Variants in CCDC141 observed in about 807,000 individuals in gnomAD.
The protein encoded by CCDC141 is coiled-coil domain-containing protein 141.
A neutral mutation model predicts 181.0 loss-of-function variants in CCDC141; 168 were observed. The observed-to-expected ratio is 0.93, with a 90% CI of 0.82 to 1.05. The LOEUF (loss-of-function observed/expected upper bound fraction) is 1.05, where lower values mean the gene tolerates loss of function less well. CCDC141 is among the 50% of genes least tolerant of loss of function. The pLI is 0.00. For synonymous variants in CCDC141, 666 were observed against 642.3 expected (o/e 1.04, Z -0.56); for missense variants, 1,902 against 1,788.5 (o/e 1.06, Z -1.14).
chr2:178,989,829 TAAAAAAAAAA>T (rs71023463), intron 2 of CCDC141, among the ~76,000 whole-genome samples: 3 of 81,398 alleles, frequency 3.7e-5, no homozygotes, highest in African/African-American at 9.9e-5. Flanking sequence ...GCTATAATCT[TAAAAAAAAAA>T]AAAAAAAAAA....
chr2:178,941,722 G>A (rs1468368583), intron 6 of CCDC141, among the ~76,000 whole-genome samples: 1 of 151,838 alleles, frequency 6.6e-6, no homozygotes, highest in Non-Finnish European at 1.5e-5. Flanking sequence ...GAAGGCTGAG[G>A]TGGGAGGATC....
chr2:178,957,633 C>T (rs1690217707), intron 5 of CCDC141, among the ~76,000 whole-genome samples: 1 of 152,240 alleles, frequency 6.6e-6, no homozygotes, highest in South Asian at 2.1e-4. Flanking sequence ...CCCATAACAG[C>T]TTTATTCATA....
chr2:178,872,327 A>C lies in CCDC141; in HGVS notation c.1900-15T>G, dbSNP rs1453320848. ...TTCTCTTTTGCCTGTTAAATTAATA[A>C]TTCATATAATAGCTTTTCTTTCCCA... On this transcript the variant is annotated splice_polypyrimidine_tract_variant and intron_variant, in intron 12 of 23. Transcript: ENST00000443758. 7 of 1,591,526 alleles carry C rather than the reference A, an allele frequency of 4.4e-6. No homozygotes were observed. Among genetic ancestry groups the C allele is most frequent in the Non-Finnish European group, 6.0e-6 (7 of 1,166,774 alleles).
intron 6 of CCDC141, among the ~76,000 whole-genome samples, chr2:178,936,287 G>C (rs1689286839): frequency 6.6e-6 from 1 of 152,130 alleles, no homozygotes; most frequent in Admixed American, 6.6e-5. Context: ...TATGGTGTAA[G>C]GAAGGGTTCA....
Position 178,865,743 on chromosome 2 carries a change from A to T in CCDC141, c.2724+24T>A, listed in dbSNP as rs372703850. 1.8e-5 allele frequency: 26 copies of T among 1,453,264 alleles called. No homozygotes were observed. The African/African-American group carries it at 3.0e-4, about 17-fold the overall frequency. The allele number at this position is 1,453,264 out of a possible 1,614,324, so 90.0% of individuals were successfully genotyped here. A position where few individuals can be genotyped will look rare whatever the true frequency, so the allele number is the denominator to read the frequency against. ...TCAAACAGCTTTTTGGCAATGTGCC[A>T]GTTCTCACCCCTCCCACACCCACCT... is the stretch of plus-strand genomic sequence containing the variant. On this transcript the variant is annotated intron_variant, in intron 17 of 23. Coordinates refer to ENST00000443758, the MANE Select transcript of CCDC141 (RefSeq NM_173648.4).
At chr2:178,849,815 C>A (rs1277697764) in intron 21 of CCDC141, among the ~76,000 whole-genome samples, 1 of 152,084 alleles carries the variant, frequency 6.6e-6, no homozygotes, top group Non-Finnish European at 1.5e-5. Context: ...AAACCAGACA[C>A]CTTAATTGTG....
At chr2:178,903,053 T>C (rs1242241995) in intron 8 of CCDC141, among the ~76,000 whole-genome samples, 2 of 150,196 alleles carry the variant, frequency 1.3e-5, no homozygotes, top group Non-Finnish European at 2.9e-5. Flanking sequence ...AAAACCACAA[T>C]GAGATACCAT....
chr2:178,837,986 T>C (rs754564394), intron 22 of CCDC141, among the ~76,000 whole-genome samples: 2 of 152,106 alleles, frequency 1.3e-5, no homozygotes, highest in African/African-American at 2.4e-5. Context: ...GTGATAGACA[T>C]TGTGAACAGA....
At chr2:179,022,550 C>T (rs2042719549) in intron 2 of CCDC141, among the ~76,000 whole-genome samples, 1 of 152,126 alleles carries the variant, frequency 6.6e-6, no homozygotes, top group South Asian at 2.1e-4. Context: ...TAAATTCTAC[C>T]TTCCCCATGA....
chr2:178,942,978 A>G (rs1689583070), intron 6 of CCDC141, among the ~76,000 whole-genome samples: 1 of 152,232 alleles, frequency 6.6e-6, no homozygotes. Context: ...TACTAAGGTC[A>G]AACATTAACA....
intron 1 of CCDC141, among the ~76,000 whole-genome samples, chr2:179,048,377 T>C (rs340337): frequency 0.52 from 78,860 of 151,796 alleles, 22,351 homozygotes; most frequent in Non-Finnish European, 0.64. Context: ...GAGGAGAGGG[T>C]AGTGGGGGAA....
At chr2:178,994,807 A>G (rs1036583276) in intron 2 of CCDC141, among the ~76,000 whole-genome samples, 4 of 152,254 alleles carry the variant, frequency 2.6e-5, no homozygotes, top group African/African-American at 9.6e-5. Flanking sequence ...TATGCCCTAA[A>G]TCATCTATCT....
intron 6 of CCDC141, among the ~76,000 whole-genome samples, chr2:178,928,727 TAACTC>T (rs1178043722): frequency 6.6e-6 from 1 of 152,340 alleles, no homozygotes. Context: ...TTTGCTTTCT[TAACTC>T]AGCCCTTTCT....
intron 18 of CCDC141, 129 bp downstream of exon 18, chr2:178,856,127 AC>A (rs1685374925): frequency 2.8e-6 from 2 of 701,914 alleles, no homozygotes; most frequent in Non-Finnish European, 4.5e-6. Context: ...ATAGAAAAAT[AC>A]CCTTTGAGTC....
chr2:178,961,116 C>A, intron 5 of CCDC141, 114 bp downstream of exon 5: 6 of 1,219,382 alleles, frequency 4.9e-6, no homozygotes, highest in East Asian at 5.2e-5. Context: ...CTTTTTGGAC[C>A]AAAGACCAAA....
At chr2:179,040,608 C>T (rs1418616213) in intron 2 of CCDC141, among the ~76,000 whole-genome samples, 1 of 152,142 alleles carries the variant, frequency 6.6e-6, no homozygotes, top group Non-Finnish European at 1.5e-5. Flanking sequence ...TCATTCAGCT[C>T]CCCCTTATAA....
intron 5 of CCDC141, 55 bp from the exon 6 acceptor site, chr2:178,944,706 T>A: frequency 1.4e-6 from 1 of 728,420 alleles, no homozygotes; most frequent in Non-Finnish European, 2.1e-6. Context: ...AATAAGTGAG[T>A]AAAAATTCAG....
chr2:178,860,995 C>T (rs998352767), intron 17 of CCDC141, among the ~76,000 whole-genome samples: 1 of 152,140 alleles, frequency 6.6e-6, no homozygotes, highest in East Asian at 1.9e-4. Flanking sequence ...AAAATGTTAA[C>T]ATTTTAACCT....
chr2:178,888,544 C>G lies in CCDC141; in HGVS notation c.1390G>C (p.Glu464Gln). 6.5e-7 allele frequency: 1 copy of G among 1,550,322 alleles called. No individual in the cohort carries two copies. The change falls in exon 9 of 24, where the codon GAG becomes CAG. Residue 464 changes from glutamate (E) to glutamine (Q), a missense_variant. Coordinates refer to ENST00000443758, the MANE Select transcript of CCDC141 (RefSeq NM_173648.4). The part of the protein sequence containing the change: ...LKKQQLTASV[E>Q]GYLRKVEMSI... ...GAAACTACCTTCCGTAGGTAACCCTCCACTGAGGCTGTTAGTTGTTGTTTC... is the reference window on the plus strand; with the variant it reads ...GAAACTACCTTCCGTAGGTAACCCTGCACTGAGGCTGTTAGTTGTTGTTTC...
Sources: allele counts gnomAD v4.1 joint callset (sites outside exome capture counted in the v4.1 genomes callset), GRCh38; gene constraint gnomAD v4.1.1; transcripts MANE v1.5; gene names NCBI Gene and HGNC (gene_info 2026-07-23, HGNC 2026-07-21).